PKP4: variants seen among roughly 807,000 people sequenced by gnomAD.
PKP4 encodes the protein plakophilin 4, also known as plakophilin-4.
In PKP4, 90 loss-of-function variants were observed where a neutral mutation model predicts 145.1. That is an observed-to-expected ratio of 0.62 (90% CI 0.52 to 0.74). The LOEUF (loss-of-function observed/expected upper bound fraction) is 0.74, where lower values mean the gene tolerates loss of function less well. PKP4 is among the 30% of genes least tolerant of loss of function. PKP4 has a pLI of 0.00. For synonymous variants in PKP4, 563 were observed against 577.2 expected, an observed-to-expected ratio of 0.98 and a Z score of 0.35; for missense variants, 1,340 against 1,482.7, an observed-to-expected ratio of 0.90 and a Z score of 1.58.
intron 17 of PKP4, among the ~76,000 whole-genome samples, chr2:158,672,861 G>A (rs1315793805): frequency 6.6e-6 from 1 of 152,058 alleles, no homozygotes; most frequent in Non-Finnish European, 1.5e-5. Flanking sequence ...CGGAGTAGAA[G>A]AGAAAACCAG....
intron 1 of PKP4, among the ~76,000 whole-genome samples, chr2:158,514,447 G>T (rs968930396): frequency 2.6e-5 from 4 of 152,138 alleles, no homozygotes; most frequent in Non-Finnish European, 4.4e-5. Flanking sequence ...TTGTCTCCTT[G>T]AAAACGAAAT....
rs1230372752 is a variant in PKP4 at position 158,631,930 on chromosome 2, G to A, written c.1331G>A (p.Arg444His). 1.1e-5 allele frequency: 17 copies of A among 1,613,402 alleles called. No homozygotes were observed. Among genetic ancestry groups the A allele is most frequent in the East Asian group, 4.5e-5 (2 of 44,888 alleles). ...ELQGSQTALY[R>H]TGSVGIGNLQ... ...CAAGGATCGCAGACGGCGTTGTATC[G>A]CACAGGTTCAGGTGGGCATCAACTC... The change falls in exon 8 of 22, where the codon CGC becomes CAC. Residue 444 changes from arginine to histidine, a missense_variant. By Grantham distance (29) the Arg-to-His change is conservative. Transcript: ENST00000389759.
At chr2:158,621,673 G>C (rs2052265564) in intron 6 of PKP4, among the ~76,000 whole-genome samples, 1 of 151,436 alleles carries the variant, frequency 6.6e-6, no homozygotes, top group Non-Finnish European at 1.5e-5. Flanking sequence ...TTGAGCCCAG[G>C]AGGCAGAGCT....
At chr2:158,600,107 T>C (rs367555170) in intron 3 of PKP4, among the ~76,000 whole-genome samples, 4 of 152,202 alleles carry the variant, frequency 2.6e-5, no homozygotes, top group Non-Finnish European at 5.9e-5. Flanking sequence ...CAAAACTGAT[T>C]TTTCGTATTA....
intron 3 of PKP4, among the ~76,000 whole-genome samples, chr2:158,602,233 G>T (rs1162206345): frequency 6.6e-6 from 1 of 152,186 alleles, no homozygotes; most frequent in Non-Finnish European, 1.5e-5. Context: ...TTTGGAATCT[G>T]ACCAGGAGTC....
intron 1 of PKP4, among the ~76,000 whole-genome samples, chr2:158,480,830 C>T (rs1259269194): frequency 6.6e-6 from 1 of 152,086 alleles, no homozygotes; most frequent in Non-Finnish European, 1.5e-5. Context: ...ATTTTTATCA[C>T]ACCAAAAATA....
intron 9 of PKP4, among the ~76,000 whole-genome samples, chr2:158,639,754 A>G (rs1034430701): frequency 6.6e-6 from 1 of 152,202 alleles, no homozygotes; most frequent in Non-Finnish European, 1.5e-5. Context: ...TAGCATGATT[A>G]TGTATTCATT....
chr2:158,567,703 G>A (rs566753823), intron 2 of PKP4, among the ~76,000 whole-genome samples: 27 of 152,306 alleles, frequency 1.8e-4, no homozygotes, highest in Middle Eastern at 3.4e-3. Context: ...AGTATTGAAC[G>A]TTGGCAAACA....
At position 158,680,183 on chromosome 2, in the gene PKP4, T is replaced by C. The variant is rs1485469511; in HGVS notation, c.3331-246T>C. Among the ~76,000 whole-genome samples, 3 of 152,196 alleles carry C rather than the reference T, an allele frequency of 2.0e-5. No individual in the cohort carries two copies. The East Asian group carries it at 5.8e-4, about 29-fold the overall frequency. ...ACCTGCCCTGAGATCTCAGGCTTTC[T>C]TGAGGCACCTGCTTCTCTAGAGGTC... On this transcript the variant is annotated intron_variant, in intron 21 of 21. Coordinates refer to ENST00000389759, the MANE Select transcript of PKP4 (RefSeq NM_003628.6).
intron 2 of PKP4, among the ~76,000 whole-genome samples, chr2:158,558,362 G>T (rs1320575368): frequency 6.6e-6 from 1 of 152,130 alleles, no homozygotes; most frequent in South Asian, 2.1e-4. Context: ...TACAAGAGGT[G>T]GGGAAGGAAC....
At chr2:158,650,021 C>G (rs1311858054) in intron 11 of PKP4, among the ~76,000 whole-genome samples, 1 of 152,192 alleles carries the variant, frequency 6.6e-6, no homozygotes, top group African/African-American at 2.4e-5. Flanking sequence ...ACTTCAGTGA[C>G]AGTTTCTTGG....
At chr2:158,591,844 G>A (rs1273611363) in intron 3 of PKP4, among the ~76,000 whole-genome samples, 1 of 151,944 alleles carries the variant, frequency 6.6e-6, no homozygotes, top group African/African-American at 2.4e-5. Flanking sequence ...AATGGGACAG[G>A]GAGAAAAAAG....
At chr2:158,580,302 G>A (rs770550938) in intron 3 of PKP4, among the ~76,000 whole-genome samples, 1 of 152,100 alleles carries the variant, frequency 6.6e-6, no homozygotes, top group African/African-American at 2.4e-5. Flanking sequence ...GGTTCTCAGT[G>A]CCTGGCATTT....
rs536202495 is a variant in PKP4, at chr2:158,558,797, A to G, written c.133-18474A>G. Among the ~76,000 whole-genome samples, 204 of 152,290 alleles carry G rather than the reference A, an allele frequency of 1.3e-3. 1 individual carries two copies. Among genetic ancestry groups the G allele is most frequent in the African/African-American group, 4.6e-3 (193 of 41,556 alleles). ...ATAAAGAGGAGAAGGTGAAGGTGTC[A>G]TGGGTACAGGGAGTGGGTACTATTG... is the stretch of plus-strand genomic sequence containing the variant. On this transcript the variant is annotated intron_variant, in intron 2 of 21. Transcript: ENST00000389759.
At chr2:158,505,280 A>G (rs1255403801) in intron 1 of PKP4, among the ~76,000 whole-genome samples, 2 of 152,224 alleles carry the variant, frequency 1.3e-5, no homozygotes, top group African/African-American at 4.8e-5. Context: ...CATGAAATCA[A>G]AACTGAGCTC....
chr2:158,615,885 C>T (rs1231151246), intron 4 of PKP4, among the ~76,000 whole-genome samples: 2 of 152,112 alleles, frequency 1.3e-5, no homozygotes, highest in Admixed American at 1.3e-4. Context: ...TTTTTAGAGC[C>T]ATTGCCTGAT....
chr2:158,621,709 G>A (rs1044327639), intron 6 of PKP4, among the ~76,000 whole-genome samples: 1 of 148,314 alleles, frequency 6.7e-6, no homozygotes, highest in African/African-American at 2.5e-5. Context: ...TCGCACCACT[G>A]CACTCCAGCC....
At chr2:158,653,246 GT>G (rs3836170) in intron 11 of PKP4, among the ~76,000 whole-genome samples, 1 of 25,376 alleles carries the variant, frequency 3.9e-5, no homozygotes, top group South Asian at 1.8e-3. Context: ...CAAATGTTTT[GT>G]TTTTTTTAAT....
At chr2:158,467,812 A>C (rs947794008) in intron 1 of PKP4, among the ~76,000 whole-genome samples, 2 of 152,186 alleles carry the variant, frequency 1.3e-5, no homozygotes, top group Non-Finnish European at 2.9e-5. Flanking sequence ...GTGCCACTGC[A>C]CTCCAACCTG....
Sources: allele counts gnomAD v4.1 joint callset (sites outside exome capture counted in the v4.1 genomes callset), GRCh38; gene constraint gnomAD v4.1.1; transcripts MANE v1.5; gene names NCBI Gene and HGNC (gene_info 2026-07-23, HGNC 2026-07-21).